Variants in PRAMEF20 observed in about 807,000 individuals in gnomAD.
The protein encoded by PRAMEF20 is PRAME family member 20/21.
In PRAMEF20, 27 loss-of-function variants were observed where a neutral mutation model predicts 32.4. The ratio of observed to expected loss-of-function variants is 0.83; its 90% confidence interval spans 0.61 to 1.15. The LOEUF (loss-of-function observed/expected upper bound fraction) is 1.15. Ranked by LOEUF, PRAMEF20 falls within the 50% of genes most tolerant of loss-of-function variation. The probability of loss-of-function intolerance (pLI) is 0.00; values close to 1 mark genes in which losing one functional copy is unlikely to be tolerated. For synonymous variants in PRAMEF20, 256 were observed against 235.4 expected (o/e 1.09, Z -0.80); for missense variants, 604 against 584.5 (o/e 1.03, Z -0.34).
At chr1:13,413,955 T>C (rs1368754353), upstream of PRAMEF20, among the ~76,000 whole-genome samples, 1 of 152,196 alleles carries the variant, frequency 6.6e-6, no homozygotes, top group Non-Finnish European at 1.5e-5. Context: ...TAAATGCAGG[T>C]TTGTCTTTAT....
chr1:13,413,491 A>AGTAGCTG (rs1238009061), upstream of PRAMEF20, among the ~76,000 whole-genome samples: 1 of 151,998 alleles, frequency 6.6e-6, no homozygotes, highest in African/African-American at 2.4e-5. Flanking sequence ...CAGCCTCCCT[A>AGTAGCTG]GTAGCTGGGA....
At chr1:13,417,789 TAGAGTGCAG>T (rs1641194251) in intron 1 of PRAMEF20, among the ~76,000 whole-genome samples, 1 of 142,588 alleles carries the variant, frequency 7.0e-6, no homozygotes, top group East Asian at 2.2e-4. Flanking sequence ...AGGCTGGGGC[TAGAGTGCAG>T]TGGCGCGATC....
chr1:13,418,332 C>T, exon 2 of PRAMEF20: 1 of 1,613,820 alleles, frequency 6.2e-7, no homozygotes. Context: ...ACTTCACCTG[C>T]CTCTTTCTAT....
At chr1:13,416,492 G>A in exon 1 of PRAMEF20, 2 of 1,614,126 alleles carry the variant, frequency 1.2e-6, no homozygotes, top group Non-Finnish European at 1.7e-6. Flanking sequence ...CCTTCAGCAG[G>A]AGACACTGTG....
At chr1:13,413,112 T>C (rs1641129530), upstream of PRAMEF20, among the ~76,000 whole-genome samples, 1 of 152,218 alleles carries the variant, frequency 6.6e-6, no homozygotes, top group Admixed American at 6.5e-5. Flanking sequence ...TTTCTTTCTG[T>C]CTAATGTCAG....
At chr1:13,413,246 T>C (rs1269711988), upstream of PRAMEF20, among the ~76,000 whole-genome samples, 3 of 152,318 alleles carry the variant, frequency 2.0e-5, no homozygotes, top group East Asian at 5.8e-4. Context: ...CCTAAATCTT[T>C]CACTTTCATG....
At chr1:13,418,061 A>T (rs1641201513) in intron 1 of PRAMEF20, 61 bp from the exon 3 acceptor site, 1 of 1,609,688 alleles carries the variant, frequency 6.2e-7, no homozygotes, top group African/African-American at 1.3e-5. Flanking sequence ...AGCGTGAGCC[A>T]CTGAGCCCAG....
At chr1:13,417,910 T>TGTGTGTGTGTGTGTG (rs1369049111) in intron 1 of PRAMEF20, among the ~76,000 whole-genome samples, 3,925 of 124,242 alleles carry the variant, frequency 0.032, 321 homozygotes, top group Non-Finnish European at 0.039. Flanking sequence ...CCCGGCTAAT[T>TGTGTGTGTGTGTGTG]TGTGTGTGTG....
At chr1:13,411,600 C>T (rs1335492235), upstream of PRAMEF20, among the ~76,000 whole-genome samples, 1 of 152,186 alleles carries the variant, frequency 6.6e-6, no homozygotes, top group African/African-American at 2.4e-5. Flanking sequence ...TAAAAATGCA[C>T]ATGAGAATGA....
the PRAMEF20 span, among the ~76,000 whole-genome samples, chr1:13,411,005 C>A: frequency 1.3e-5 from 2 of 152,042 alleles, no homozygotes; most frequent in Non-Finnish European, 1.5e-5. Flanking sequence ...TTACAGCCGC[C>A]TGCCACTATG....
rs1641202288 is a variant in PRAMEF20, at chr1:13,418,115, T to C, written c.288-7T>C. The C allele has an allele frequency of 1.1e-5, 18 of 1,611,754 alleles. No homozygotes were observed. The highest frequency in any genetic ancestry group is 1.4e-5 in the Non-Finnish European group (17 of 1,179,770). On this transcript the variant is annotated splice_polypyrimidine_tract_variant and splice_region_variant and intron_variant, in intron 1 of 2. Transcript: ENST00000602960. ...AAATTCTCAGCCTCTCTTCTATTTTTCCTCAGGAGGTGGAAACTTCAAGTG... is the reference window on the plus strand; with the variant it reads ...AAATTCTCAGCCTCTCTTCTATTTTCCCTCAGGAGGTGGAAACTTCAAGTG...
upstream of PRAMEF20, among the ~76,000 whole-genome samples, chr1:13,413,968 C>A (rs1316597984): frequency 6.6e-6 from 1 of 152,104 alleles, no homozygotes; most frequent in African/African-American, 2.4e-5. Context: ...GTCTTTATCC[C>A]CAAAATTTTG....
At chr1:13,416,767 T>TA in intron 1 of PRAMEF20, 126 bp downstream of exon 2, 1 of 1,562,568 alleles carries the variant, frequency 6.4e-7, no homozygotes, top group Non-Finnish European at 8.7e-7. Context: ...TGAGGAAGCT[T>TA]AGAGAGGCCT....
chr1:13,411,434 G>A (rs1431313774), upstream of PRAMEF20, among the ~76,000 whole-genome samples: 1 of 152,010 alleles, frequency 6.6e-6, no homozygotes, highest in Non-Finnish European at 1.5e-5. Context: ...TTCAAAAAAG[G>A]AGAGAAAGAG....
exon 1 of PRAMEF20, chr1:13,416,452 C>T (rs745649027): frequency 1.3e-5 from 21 of 1,613,928 alleles, no homozygotes; most frequent in Admixed American, 3.3e-5. Flanking sequence ...GAGCTGCCCA[C>T]GGAACTTTTT....
At chr1:13,417,910 T>TTGGGTGTGTGTGTG (rs1641197974) in intron 1 of PRAMEF20, among the ~76,000 whole-genome samples, 1 of 124,218 alleles carries the variant, frequency 8.1e-6, no homozygotes, top group Non-Finnish European at 1.7e-5. Context: ...CCCGGCTAAT[T>TTGGGTGTGTGTGTG]TGTGTGTGTG....
intron 2 of PRAMEF20, among the ~76,000 whole-genome samples, chr1:13,419,428 C>T (rs1036476951): frequency 0.011 from 1,717 of 152,032 alleles, 28 homozygotes; most frequent in African/African-American, 0.039. Context: ...GGATTATAGG[C>T]GTGAGCCACC....
exon 2 of PRAMEF20, chr1:13,418,543 C>T: frequency 6.2e-7 from 1 of 1,613,978 alleles, no homozygotes; most frequent in East Asian, 2.2e-5. Context: ...TCTTCGGAAG[C>T]TCGTTCTCTC....
chr1:13,417,594 C>G (rs1484868812), intron 1 of PRAMEF20, among the ~76,000 whole-genome samples: 1 of 149,684 alleles, frequency 6.7e-6, no homozygotes, highest in African/African-American at 2.5e-5. Flanking sequence ...CAGAGGGAGA[C>G]TCTGTCTCAA....
Sources: allele counts gnomAD v4.1 joint callset (sites outside exome capture counted in the v4.1 genomes callset), GRCh38; gene constraint gnomAD v4.1.1; transcripts MANE v1.5; gene names NCBI Gene and HGNC (gene_info 2026-07-23, HGNC 2026-07-21).